Variants in RBM26 observed in about 807,000 individuals in gnomAD.
RBM26 encodes RNA binding motif protein 26, also known as RNA-binding protein 26.
A neutral mutation model predicts 123.6 loss-of-function variants in RBM26; 30 were observed. That is an observed-to-expected ratio of 0.24 (90% CI 0.18 to 0.33). The LOEUF (loss-of-function observed/expected upper bound fraction) is 0.33, where lower values mean the gene tolerates loss of function less well. RBM26 is among the 10% of genes least tolerant of loss of function. The pLI, the probability that RBM26 is intolerant of heterozygous loss-of-function variation, is 1.00. For synonymous variants in RBM26, 400 were observed against 404.4 expected (o/e 0.99, Z 0.13); for missense variants, 947 against 1,203.6 (o/e 0.79, Z 3.15).
Position 79,366,121 on chromosome 13 carries a change from G to T in RBM26, c.1210C>A (p.Pro404Thr). Reference protein sequence around the residue: ...APPNSATSSVPTVVTTGIHHQ... With the variant: ...APPNSATSSVTTVVTTGIHHQ... ...TGAATGCCAGTTGTTACTACAGTAG[G>T]AACAGAACTGGTTGCAGAGTTTGGA... The change falls in exon 8 of 22, where the codon CCT becomes ACT. Residue 404 changes from proline (P) to threonine (T), a missense_variant. Pro to Thr is a conservative substitution (Grantham distance 38, BLOSUM62 -1). Transcript: ENST00000438737. 6.2e-7 allele frequency: 1 copy of T among 1,613,932 alleles called. No homozygotes were observed. Among genetic ancestry groups the T allele is most frequent in the Non-Finnish European group, 8.5e-7 (1 of 1,179,808 alleles).
At position 79,340,146 on chromosome 13, in the gene RBM26, G is replaced by T. The variant is rs1379027194; in HGVS notation, c.2532+977C>A. On this transcript the variant is annotated intron_variant, in intron 18 of 21. Transcript: ENST00000438737. ...ACACAATTTCTCTATTAACATAAAA[G>T]AAATATTTTTCAAACTTTTTTTTTT... 2.8e-5 allele frequency among the ~76,000 whole-genome samples: 4 copies of T among 144,444 alleles called. 1 individual carries two copies. In the South Asian group the frequency reaches 6.7e-4, roughly 24 times the overall value. 94.8% of individuals were successfully genotyped at this position (144,444 alleles called of 152,430 possible).
At chr13:79,380,512 C>T (rs1014012773) in intron 1 of RBM26, among the ~76,000 whole-genome samples, 1 of 151,126 alleles carries the variant, frequency 6.6e-6, no homozygotes, top group African/African-American at 2.4e-5. Context: ...AAAAAAACCA[C>T]ATAATAATTG....
At chr13:79,390,784 A>C (rs919275588) in intron 1 of RBM26, among the ~76,000 whole-genome samples, 25 of 152,182 alleles carry the variant, frequency 1.6e-4, no homozygotes, top group Non-Finnish European at 5.9e-5. Context: ...TATATTCAAA[A>C]TTTTCAAAAT....
rs1203276214 is a variant in RBM26, at chr13:79,327,468, C to CTAAA, written c.2821-5010_2821-5007dup. Among the ~76,000 whole-genome samples the CTAAA allele has an allele frequency of 4.0e-5, 6 of 151,760 alleles. No homozygotes were observed. The East Asian group carries it at 1.2e-3, about 29-fold the overall frequency. On this transcript the variant is annotated intron_variant, in intron 20 of 21. Transcript: ENST00000438737. ...TATTATCGATGTTTTTAACATTTTT[C>CTAAA]TAAAGGTAAACGATGAAATAACAGA...
chr13:79,337,574 C>T (rs565007541), intron 18 of RBM26, among the ~76,000 whole-genome samples: 2 of 152,266 alleles, frequency 1.3e-5, no homozygotes, highest in East Asian at 3.9e-4. Flanking sequence ...CAGGATATAT[C>T]ACAAAAAGAT....
At chr13:79,369,722 T>A (rs1050412019) in intron 5 of RBM26, among the ~76,000 whole-genome samples, 1 of 152,202 alleles carries the variant, frequency 6.6e-6, no homozygotes, top group African/African-American at 2.4e-5. Context: ...AAATTATACA[T>A]GTTGGGAATG....
intron 9 of RBM26, among the ~76,000 whole-genome samples, chr13:79,362,854 A>G (rs1032289309): frequency 3.3e-4 from 50 of 152,220 alleles, no homozygotes; most frequent in African/African-American, 1.2e-3. Flanking sequence ...TATATTTAAA[A>G]GAAGGGTATT....
intron 9 of RBM26, among the ~76,000 whole-genome samples, chr13:79,360,349 C>CT (rs2074531454): frequency 6.6e-6 from 1 of 152,106 alleles, no homozygotes; most frequent in Admixed American, 6.5e-5. Context: ...TTTTTTCAAA[C>CT]TTATTTCAAC....
chr13:79,390,963 G>T (rs1003188499), intron 1 of RBM26, among the ~76,000 whole-genome samples: 2 of 152,254 alleles, frequency 1.3e-5, no homozygotes, highest in African/African-American at 4.8e-5. Flanking sequence ...TAAGAACTTA[G>T]TATCTATTTA....
intron 1 of RBM26, among the ~76,000 whole-genome samples, chr13:79,404,424 C>A (rs917678347): frequency 6.6e-6 from 1 of 152,224 alleles, no homozygotes; most frequent in African/African-American, 2.4e-5. Context: ...TCCATTCTTG[C>A]CCTTTCAGTC....
Position 79,371,936 on chromosome 13 carries a change from TAAAA to T in RBM26, c.328-10_328-7del, listed in dbSNP as rs111251938. 8.5e-5 allele frequency: 111 copies of T among 1,299,936 alleles called. No homozygotes were observed. The highest frequency in any genetic ancestry group is 2.2e-4 in the Middle Eastern group (1 of 4,510). 80.5% of individuals were successfully genotyped at this position (1,299,936 alleles called of 1,614,324 possible). A position where few individuals can be genotyped will look rare whatever the true frequency, so the allele number is the denominator to read the frequency against. ...CGCTCTTCCTCCTTAGTGATCTGAT[TAAAA>T]AAAAAAAAAAAAGTGTACAAGTTTA... On this transcript the variant is annotated splice_polypyrimidine_tract_variant and splice_region_variant and intron_variant, in intron 3 of 21. Transcript: ENST00000438737.
intron 1 of RBM26, among the ~76,000 whole-genome samples, chr13:79,395,550 G>C (rs1031360494): frequency 3.3e-5 from 5 of 152,018 alleles, no homozygotes; most frequent in Non-Finnish European, 7.4e-5. Context: ...GACAAGTCTA[G>C]TTAATATAGT....
At chr13:79,359,514 A>G (rs371180266) in intron 10 of RBM26, 61 bp downstream of exon 10, 66 of 788,532 alleles carry the variant, frequency 8.4e-5, no homozygotes, top group East Asian at 4.8e-4. Flanking sequence ...TCATAATAAT[A>G]CAGAAATGAT....
intron 18 of RBM26, among the ~76,000 whole-genome samples, chr13:79,339,499 A>T (rs1190932515): frequency 1.3e-5 from 2 of 152,198 alleles, no homozygotes; most frequent in Non-Finnish European, 2.9e-5. Flanking sequence ...ACTTACACAT[A>T]TATCAAAACA....
In RBM26 at chr13:79,320,334, C is replaced by T. The variant is rs1054075816; in HGVS notation, c.*287G>A. On this transcript the variant is annotated 3_prime_UTR_variant, in exon 22 of 22. Coordinates refer to ENST00000438737, the MANE Select transcript of RBM26 (RefSeq NM_001366735.2). ...GTTTTCAGACCTATTCATTAAATTA[C>T]AAAGAACCCAAAGAATTCTGTGATG... is the stretch of plus-strand genomic sequence containing the variant. 13 of 1,030,042 alleles carry T rather than the reference C, an allele frequency of 1.3e-5. No homozygotes were observed. The highest frequency in any genetic ancestry group is 1.2e-6 in the Non-Finnish European group (1 of 857,010). 63.8% of individuals were successfully genotyped at this position (1,030,042 alleles called of 1,614,324 possible).
intron 18 of RBM26, among the ~76,000 whole-genome samples, chr13:79,338,554 T>C (rs775465827): frequency 6.6e-6 from 1 of 152,146 alleles, no homozygotes; most frequent in Non-Finnish European, 1.5e-5. Flanking sequence ...GATGGAGAGA[T>C]AAGCCTGGAG....
At chr13:79,373,465 TATGTATAAATATACAA>T (rs2076285391) in intron 3 of RBM26, among the ~76,000 whole-genome samples, 1 of 1,174 alleles carries the variant, frequency 8.5e-4, no homozygotes. Context: ...ATATATATAA[TATGTATAAATATACAA>T]ATATATATAA....
chr13:79,359,628 T>A lies in RBM26; in HGVS notation c.1476A>T (p.Arg492Ser). 1 of 1,601,712 alleles carries A rather than the reference T, an allele frequency of 6.2e-7. No individual in the cohort carries two copies. The highest frequency in any genetic ancestry group is 8.5e-7 in the Non-Finnish European group (1 of 1,175,000). Residue 492 changes from arginine to serine, a missense_variant, in exon 10 of 22, where the codon AGA becomes AGT. By Grantham distance (110) the Arg-to-Ser change is moderately radical. Around this residue, in one of 5 missense-constraint regions of RBM26, gnomAD observed 493 missense variants for 563.1 expected, o/e 0.88. Coordinates refer to ENST00000438737, the MANE Select transcript of RBM26 (RefSeq NM_001366735.2). ...RIVVDSESRK[R>S]TIGSGEPGVP... is the part of the protein sequence containing the mutation. ...CTCCAGGCTCTCCAGAACCAATGGT[T>A]CTTTTCCTTGATTCTGAGTCCACTA...
chr13:79,340,196 C>A (rs929374938), intron 18 of RBM26, among the ~76,000 whole-genome samples: 1 of 151,680 alleles, frequency 6.6e-6, no homozygotes, highest in Non-Finnish European at 1.5e-5. Context: ...CTGGGCAGGA[C>A]ACACATGCAA....
Sources: allele counts gnomAD v4.1 joint callset (sites outside exome capture counted in the v4.1 genomes callset), GRCh38; gene constraint gnomAD v4.1.1; regional missense constraint gnomAD v4.1.1; transcripts MANE v1.5; gene names NCBI Gene and HGNC (gene_info 2026-07-23, HGNC 2026-07-21).